Variants in SVEP1 observed in about 807,000 individuals in gnomAD.
SVEP1 encodes the protein sushi, von Willebrand factor type A, EGF and pentraxin domain-containing protein 1.
A neutral mutation model predicts 367.3 loss-of-function variants in SVEP1; 164 were observed. The observed-to-expected ratio is 0.45, with a 90% CI of 0.39 to 0.51. The LOEUF is 0.51. Among genes scored for constraint, SVEP1 ranks in the 20% least tolerant of loss-of-function variants. SVEP1 has a pLI of 0.00. For missense variants in SVEP1, 4,117 were observed against 4,425.3 expected, an observed-to-expected ratio of 0.93 and a Z score of 1.98; for synonymous variants, 1,666 against 1,611.6, an observed-to-expected ratio of 1.03 and a Z score of -0.81.
chr9:110,398,546 T>A (rs1331969800), intron 40 of SVEP1, among the ~76,000 whole-genome samples: 2 of 150,796 alleles, frequency 1.3e-5, no homozygotes, highest in African/African-American at 4.9e-5. Context: ...ATCATTAGAG[T>A]GAACAGGCAA....
chr9:110,437,181 A>T (rs1390857852), intron 27 of SVEP1, among the ~76,000 whole-genome samples: 2 of 152,156 alleles, frequency 1.3e-5, no homozygotes, highest in African/African-American at 4.8e-5. Flanking sequence ...AAGAGCCAGC[A>T]TGAGATAAGA....
At chr9:110,535,329 G>C (rs940871898) in intron 3 of SVEP1, among the ~76,000 whole-genome samples, 2 of 151,958 alleles carry the variant, frequency 1.3e-5, no homozygotes, top group African/African-American at 4.8e-5. Flanking sequence ...ATGGTTGTAG[G>C]TGTGTGACCT....
chr9:110,508,486 G>A (rs989091479), intron 5 of SVEP1, among the ~76,000 whole-genome samples: 3 of 152,110 alleles, frequency 2.0e-5, no homozygotes, highest in African/African-American at 7.2e-5. Flanking sequence ...TTCTGGCCGG[G>A]TGCGGTGGCT....
At chr9:110,414,242 G>T (rs752738636) in intron 36 of SVEP1, among the ~76,000 whole-genome samples, 1 of 152,020 alleles carries the variant, frequency 6.6e-6, no homozygotes, top group Non-Finnish European at 1.5e-5. Flanking sequence ...TAAAGCATCA[G>T]CTATTATAGA....
In SVEP1 at chr9:110,481,289, T is replaced by A. The variant is rs554100495; in HGVS notation, c.2318A>T (p.Asp773Val). 1 of 1,606,474 alleles carries A rather than the reference T, an allele frequency of 6.2e-7. No homozygotes were observed. The highest frequency in any genetic ancestry group is 2.2e-5 in the East Asian group (1 of 44,746). ...GGTATATGTTGGTTTCCAGACGCCA[T>A]CTTCATAAGCACAATAATACTTGTC... Reference protein sequence around the residue: ...STDKYYCAYEDGVWKPTYTTE... With the variant: ...STDKYYCAYEVGVWKPTYTTE... The change falls in exon 12 of 48, where the codon GAT (aspartate) becomes GTT (valine). Residue 773 changes from aspartate (D) to valine (V), a missense_variant. By Grantham distance (152) the Asp-to-Val change is radical (BLOSUM62 -3). Coordinates refer to ENST00000374469, the MANE Select transcript of SVEP1 (RefSeq NM_153366.4).
At chr9:110,485,415 C>T (rs1379988400) in intron 9 of SVEP1, among the ~76,000 whole-genome samples, 4 of 152,112 alleles carry the variant, frequency 2.6e-5, no homozygotes, top group Non-Finnish European at 5.9e-5. Flanking sequence ...GGGAACAACA[C>T]ACACTGTGGC....
At chr9:110,376,903 T>A (rs1243996105) in intron 45 of SVEP1, 1 of 162,546 alleles carries the variant, frequency 6.2e-6, no homozygotes, top group Non-Finnish European at 1.3e-5. Context: ...AGTACATGTT[T>A]TGCAGTGGTG....
chr9:110,435,495 T>G, intron 28 of SVEP1, 131 bp from the exon 29 acceptor site: 1 of 1,008,230 alleles, frequency 9.9e-7, no homozygotes, highest in Non-Finnish European at 1.4e-6. Context: ...GCAGGTATGA[T>G]TTCAGGGGCA....
chr9:110,532,881 C>A (rs1830038053), intron 3 of SVEP1, among the ~76,000 whole-genome samples: 1 of 152,060 alleles, frequency 6.6e-6, no homozygotes, highest in Non-Finnish European at 1.5e-5. Context: ...AAATTGCTTC[C>A]TGTAGAGCAA....
intron 18 of SVEP1, 25 bp from the exon 19 acceptor site, chr9:110,459,138 T>C (rs745551905): frequency 7.5e-6 from 12 of 1,609,328 alleles, no homozygotes; most frequent in Admixed American, 1.7e-5. Flanking sequence ...ACAAATCATA[T>C]GTGCATATAA....
rs74815601 is a variant in SVEP1, at chr9:110,448,022, C to G, written c.4104-965G>C. Among the ~76,000 whole-genome samples, 38 of 152,114 alleles carry G rather than the reference C, an allele frequency of 2.5e-4. 1 individual carries two copies. The East Asian group carries it at 6.0e-3, about 24-fold the overall frequency. On this transcript the variant is annotated intron_variant, in intron 24 of 47. Transcript: ENST00000374469. Reference sequence around the variant, plus strand: ...ATGATACCACTTATGTAACATGTAACTTATATACTGTTTATAGAAGTCATA... The same window carrying G: ...ATGATACCACTTATGTAACATGTAAGTTATATACTGTTTATAGAAGTCATA...
chr9:110,545,191 A>G (rs1157754556), intron 3 of SVEP1, among the ~76,000 whole-genome samples: 4 of 152,200 alleles, frequency 2.6e-5, no homozygotes, highest in Admixed American at 6.5e-5. Context: ...GGTTGATTCC[A>G]TATCTTGGCT....
Position 110,482,360 on chromosome 9 carries a change from C to T in SVEP1, c.2170+1G>A. 5.0e-6 allele frequency: 8 copies of T among 1,610,156 alleles called. No homozygotes were observed. The highest frequency in any genetic ancestry group is 6.8e-6 in the Non-Finnish European group (8 of 1,178,268). ...ATTCTGGGGACTTATGAAGACAATA[C>T]CTTTTATGACAATATGGATATCACA... On this transcript the variant is annotated splice_donor_variant, in intron 11 of 47. Transcript: ENST00000374469. LOFTEE classifies it high-confidence loss of function.
intron 13 of SVEP1, among the ~76,000 whole-genome samples, chr9:110,476,607 G>C (rs192385718): frequency 6.6e-6 from 1 of 152,056 alleles, no homozygotes; most frequent in East Asian, 1.9e-4. Context: ...TGGCTCTTTG[G>C]AACCCTTTCT....
intron 40 of SVEP1, among the ~76,000 whole-genome samples, chr9:110,399,213 G>A (rs1827818590): frequency 6.6e-6 from 1 of 152,090 alleles, no homozygotes; most frequent in Non-Finnish European, 1.5e-5. Context: ...GATGAAACTA[G>A]AAACCATTAT....
Position 110,579,393 on chromosome 9 carries a change from C to T in SVEP1, c.151G>A (p.Ala51Thr), listed in dbSNP as rs991690198. 1.3e-6 allele frequency: 2 copies of T among 1,569,024 alleles called. No homozygotes were observed. The highest frequency in any genetic ancestry group is 1.9e-5 in the Admixed American group (1 of 53,392). Residue 51 changes from alanine (A) to threonine (T), a missense_variant, in exon 1 of 48, where the codon GCT becomes ACT. Physicochemically the swap from Ala to Thr is moderately conservative, Grantham distance 58 (BLOSUM62 0). Around this residue, in one of 4 missense-constraint regions of SVEP1, gnomAD observed 161 missense variants for 122.4 expected, o/e 1.32. Transcript: ENST00000374469. This position sits in a 1 kb window ranked among gnomAD's most constrained non-coding sequence, Gnocchi z 5.3. Reference sequence around the variant, plus strand: ...CTCCCCGCCGCTTCGTCGCCAGGAGCGGGCGGCGCGGGGATACTCCCGGGG... The same window carrying T: ...CTCCCCGCCGCTTCGTCGCCAGGAGTGGGCGGCGCGGGGATACTCCCGGGG... ...GAPGSIPAPP[A>T]PGDEAAGSRV...
At chr9:110,535,103 C>T (rs527334927) in intron 3 of SVEP1, among the ~76,000 whole-genome samples, 5 of 152,184 alleles carry the variant, frequency 3.3e-5, no homozygotes, top group African/African-American at 1.2e-4. Context: ...ATTCCTATGT[C>T]CAGAATGGTA....
At chr9:110,482,667 C>T (rs1329187807) in intron 10 of SVEP1, among the ~76,000 whole-genome samples, 175 bp from the exon 11 acceptor site, 1 of 152,164 alleles carries the variant, frequency 6.6e-6, no homozygotes, top group Non-Finnish European at 1.5e-5. Flanking sequence ...GCTGGGATTA[C>T]AGGCATTTGC....
At chr9:110,410,778 G>A (rs1440056818) in intron 37 of SVEP1, among the ~76,000 whole-genome samples, 1 of 152,096 alleles carries the variant, frequency 6.6e-6, no homozygotes, top group Non-Finnish European at 1.5e-5. Flanking sequence ...ATCACAGTGG[G>A]CTGGCCCTGT....
Sources: gnomAD v4.1 joint callset for allele counts (sites outside exome capture counted in the v4.1 genomes callset) on GRCh38, gnomAD v4.1.1 for gene constraint, gnomAD v4.1.1 regional missense constraint, Gnocchi (gnomAD v3.1) non-coding constraint, MANE v1.5 for transcripts, NCBI Gene and HGNC (gene_info 2026-07-23, HGNC 2026-07-21) for gene names.